FRMD3: variants seen among roughly 807,000 people sequenced by gnomAD.
The protein encoded by FRMD3 is FERM domain containing 3.
Under a neutral mutation model 70.2 loss-of-function variants are expected in FRMD3, and 33 were observed. That is an observed-to-expected ratio of 0.47 (90% confidence interval 0.36 to 0.63). The LOEUF is 0.63. FRMD3 is among the 20% of genes least tolerant of loss of function. The pLI is 0.00. For synonymous variants in FRMD3, 279 were observed against 255.9 expected (o/e 1.09, Z -0.86); for missense variants, 632 against 711.4 (o/e 0.89, Z 1.27).
intron 6 of FRMD3, among the ~76,000 whole-genome samples, chr9:83,331,568 T>G (rs1431218056): frequency 6.6e-6 from 1 of 152,172 alleles, no homozygotes; most frequent in South Asian, 2.1e-4. Context: ...AAGAGTGAAC[T>G]CTAATGTAAA....
intron 3 of FRMD3, 121 bp from the exon 4 acceptor site, chr9:83,349,878 G>T: frequency 8.3e-6 from 5 of 602,622 alleles, no homozygotes; most frequent in South Asian, 2.0e-5. Context: ...CCAGGAGGGG[G>T]TGATTGTTTT....
intron 1 of FRMD3, among the ~76,000 whole-genome samples, chr9:83,411,326 A>G (rs1306712103): frequency 6.6e-6 from 1 of 152,244 alleles, no homozygotes; most frequent in Non-Finnish European, 1.5e-5. Flanking sequence ...AACTTCTGAA[A>G]TATCTTAATG....
intron 6 of FRMD3, among the ~76,000 whole-genome samples, chr9:83,320,454 T>G (rs1160555861): frequency 6.6e-6 from 1 of 152,230 alleles, no homozygotes; most frequent in East Asian, 1.9e-4. Context: ...GTATCACATT[T>G]ATGGATTTAT....
Position 83,313,646 on chromosome 9 carries a change from T to G in FRMD3, c.684+14A>C. The G allele has an allele frequency of 6.2e-7, 1 of 1,602,152 alleles. No individual in the cohort carries two copies. The highest frequency in any genetic ancestry group is 8.6e-7 in the Non-Finnish European group (1 of 1,169,144). ...ACAACCATTATATGGTGACCTGCTGTGAGGGGCAGTTACCTTGCATGGGTG... is the reference window on the plus strand; with the variant it reads ...ACAACCATTATATGGTGACCTGCTGGGAGGGGCAGTTACCTTGCATGGGTG... On this transcript the variant is annotated intron_variant, in intron 7 of 13. Transcript: ENST00000304195.
At chr9:83,567,224 C>A in the FRMD3 span, among the ~76,000 whole-genome samples, 1 of 152,212 alleles carries the variant, frequency 6.6e-6, no homozygotes, top group Non-Finnish European at 1.5e-5. Context: ...ACGGTCAGAG[C>A]TAAATGTTGG....
At chr9:83,434,688 T>A (rs74937969) in intron 1 of FRMD3, among the ~76,000 whole-genome samples, 1,877 of 152,270 alleles carry the variant, frequency 0.012, 46 homozygotes, top group African/African-American at 0.043. Context: ...ATTCTCATGG[T>A]TTCCAGTGGA....
At chr9:83,514,029 T>C (rs957697415) in intron 1 of FRMD3, among the ~76,000 whole-genome samples, 3 of 152,182 alleles carry the variant, frequency 2.0e-5, no homozygotes, top group African/African-American at 7.2e-5. Flanking sequence ...AGCACATAGC[T>C]GGGCAGCCAT....
intron 13 of FRMD3, chr9:83,267,190 C>A (rs1462057562): frequency 1.1e-5 from 17 of 1,550,060 alleles, no homozygotes; most frequent in Non-Finnish European, 1.4e-5. Flanking sequence ...CCCAGGGCAG[C>A]CTTTCCCTAA....
At chr9:83,456,852 T>C (rs1472006832) in intron 1 of FRMD3, among the ~76,000 whole-genome samples, 2 of 151,984 alleles carry the variant, frequency 1.3e-5, no homozygotes, top group African/African-American at 4.8e-5. Flanking sequence ...TGGTGGCATA[T>C]ACCTGTAGTC....
intron 12 of FRMD3, among the ~76,000 whole-genome samples, chr9:83,295,404 C>A (rs1834619191): frequency 6.6e-6 from 1 of 152,186 alleles, no homozygotes; most frequent in Admixed American, 6.5e-5. Context: ...TCTAAAAACT[C>A]CACCTGGAGG....
chr9:83,352,570 T>C (rs971441566), intron 3 of FRMD3, among the ~76,000 whole-genome samples: 1 of 152,140 alleles, frequency 6.6e-6, no homozygotes, highest in African/African-American at 2.4e-5. Flanking sequence ...TCCAGGAAGG[T>C]CTAGTGCTTC....
chr9:83,298,351 C>T (rs1462974158), intron 12 of FRMD3, among the ~76,000 whole-genome samples: 1 of 152,120 alleles, frequency 6.6e-6, no homozygotes, highest in Non-Finnish European at 1.5e-5. Context: ...GAGTAATGGC[C>T]CCATGAAAGG....
intron 7 of FRMD3, among the ~76,000 whole-genome samples, chr9:83,312,316 T>C (rs543432905): frequency 4.6e-5 from 7 of 152,330 alleles, no homozygotes; most frequent in African/African-American, 1.7e-4. Flanking sequence ...GTGAGAAAAC[T>C]GTTCTTGCTT....
In FRMD3 at chr9:83,369,104, C is replaced by T. The variant is rs532697717; in HGVS notation, c.295+3809G>A. Reference sequence around the variant, plus strand: ...TCCTGACCTCGTAATGCACCCACTTCGGCCACCCAAAGTGCTGGGATTACA... The same window carrying T: ...TCCTGACCTCGTAATGCACCCACTTTGGCCACCCAAAGTGCTGGGATTACA... On this transcript the variant is annotated intron_variant, in intron 3 of 13. Coordinates refer to ENST00000304195, the MANE Select transcript of FRMD3 (RefSeq NM_174938.6). Among the ~76,000 whole-genome samples, 7 of 152,238 alleles carry T rather than the reference C, an allele frequency of 4.6e-5. No homozygotes were observed. In the South Asian group the frequency reaches 6.2e-4, roughly 14 times the overall value.
intron 1 of FRMD3, among the ~76,000 whole-genome samples, chr9:83,491,923 C>T (rs993102701): frequency 2.6e-5 from 4 of 152,174 alleles, no homozygotes; most frequent in East Asian, 1.9e-4. Context: ...AAGAGACAGG[C>T]GTCCACAGGG....
At chr9:83,363,771 G>A (rs1032442113) in intron 3 of FRMD3, among the ~76,000 whole-genome samples, 2 of 152,072 alleles carry the variant, frequency 1.3e-5, no homozygotes, top group Non-Finnish European at 2.9e-5. Context: ...AGCCAGGATG[G>A]TCTCGATCTC....
chr9:83,536,819 A>G (rs1326837132), intron 1 of FRMD3, among the ~76,000 whole-genome samples: 1 of 151,532 alleles, frequency 6.6e-6, no homozygotes, highest in East Asian at 1.9e-4. Flanking sequence ...TAAAACAGGG[A>G]AAGTCCTTTC....
At chr9:83,482,073 G>A (rs942595262) in intron 1 of FRMD3, among the ~76,000 whole-genome samples, 4 of 152,060 alleles carry the variant, frequency 2.6e-5, no homozygotes, top group Non-Finnish European at 5.9e-5. Flanking sequence ...AAATTACTTT[G>A]CCAGGAAATC....
chr9:83,511,078 A>G (rs1012840210), intron 1 of FRMD3, among the ~76,000 whole-genome samples: 2 of 152,220 alleles, frequency 1.3e-5, no homozygotes, highest in African/African-American at 2.4e-5. Flanking sequence ...CAGACTCCCA[A>G]CAGCACCAAC....
Sources: gnomAD v4.1 joint callset for allele counts (sites outside exome capture counted in the v4.1 genomes callset) on GRCh38, gnomAD v4.1.1 for gene constraint, MANE v1.5 for transcripts, NCBI Gene and HGNC (gene_info 2026-07-23, HGNC 2026-07-21) for gene names.